The following UPF3A variants were observed in gnomAD, a reference collection of about 807,000 sequenced individuals.
UPF3A encodes regulator of nonsense transcripts 3A.
A neutral mutation model predicts 53.5 loss-of-function variants in UPF3A; 42 were observed. That is an observed-to-expected ratio of 0.78 (90% CI 0.61 to 1.01). UPF3A has a LOEUF of 1.01. UPF3A is among the 50% of genes least tolerant of loss of function. The pLI, the probability that UPF3A is intolerant of heterozygous loss-of-function variation, is 0.00. For missense variants in UPF3A, 575 were observed against 598.0 expected (o/e 0.96, Z 0.40); for synonymous variants, 237 against 225.3 (o/e 1.05, Z -0.47).
At chr13:114,297,967 C>T (rs2086215652) in intron 7 of UPF3A, among the ~76,000 whole-genome samples, 4 of 152,090 alleles carry the variant, frequency 2.6e-5, no homozygotes, top group African/African-American at 7.2e-5. Flanking sequence ...GAGACTGCAC[C>T]ACTGCACTCC....
At chr13:114,281,880 A>T (rs1201678499) in intron 1 of UPF3A, 34 bp downstream of exon 1, 6 of 1,314,750 alleles carry the variant, frequency 4.6e-6, no homozygotes, top group Non-Finnish European at 5.0e-6. Flanking sequence ...AAACCTCGCG[A>T]GGAGAGGACG....
At position 114,286,646 on chromosome 13, in the gene UPF3A, T is replaced by C; in HGVS notation, c.631+17T>C. Reference sequence around the variant, plus strand: ...AGCTCATTGGTCTGTTTTGCTCATTTCTTCTCTTTTCTTTATTGAGAGATT... The same window carrying C: ...AGCTCATTGGTCTGTTTTGCTCATTCCTTCTCTTTTCTTTATTGAGAGATT... On this transcript the variant is annotated intron_variant, in intron 5 of 9. Transcript: ENST00000375299. 6.4e-7 allele frequency: 1 copy of C among 1,573,118 alleles called. No homozygotes were observed. Among genetic ancestry groups the C allele is most frequent in the Non-Finnish European group, 8.7e-7 (1 of 1,155,294 alleles).
chr13:114,297,272 T>G (rs1029737000), intron 7 of UPF3A, among the ~76,000 whole-genome samples: 2 of 152,032 alleles, frequency 1.3e-5, no homozygotes, highest in Non-Finnish European at 2.9e-5. Context: ...TGCTTTAGTT[T>G]CAAAAACTAT....
rs532823670 is a variant in UPF3A, at chr13:114,305,672, T to A, written c.*755T>A. 6.6e-6 allele frequency: 1 copy of A among 152,256 alleles called. No individual in the cohort carries two copies. The highest frequency in any genetic ancestry group is 1.5e-5 in the Non-Finnish European group (1 of 68,050). 9.4% of individuals were successfully genotyped at this position (152,256 alleles called of 1,614,324 possible). On this transcript the variant is annotated 3_prime_UTR_variant, in exon 10 of 10. Transcript: ENST00000375299. Reference sequence around the variant, plus strand: ...GCCTGTTTTTGAGTTTTAGATACTTTATTTGTAAATAACTTAAAATAGCTT... The same window carrying A: ...GCCTGTTTTTGAGTTTTAGATACTTAATTTGTAAATAACTTAAAATAGCTT...
intron 2 of UPF3A, 93 bp from the exon 3 acceptor site, chr13:114,282,739 CTAAAG>C (rs2084240091): frequency 1.5e-5 from 23 of 1,516,972 alleles, no homozygotes; most frequent in South Asian, 3.7e-5. Flanking sequence ...AAAGTTTTAT[CTAAAG>C]TAGTTTGTTG....
chr13:114,291,541 G>A lies in UPF3A; in HGVS notation c.684G>A (p.Lys228=). 1 of 1,609,620 alleles carries A rather than the reference G, an allele frequency of 6.2e-7. No homozygotes were observed. Among genetic ancestry groups the A allele is most frequent in the Non-Finnish European group, 8.5e-7 (1 of 1,178,916 alleles). The change falls in exon 6 of 10, where the codon AAG becomes AAA. Residue 228 remains lysine, a synonymous_variant. Coordinates refer to ENST00000375299, the MANE Select transcript of UPF3A (RefSeq NM_023011.4). ...ATATTAAAAATAGAAAATTAGAAAA[G>A]CAGGTAGGTCTGGCCTTTACCTGAT... ...LEYIKNRKLE[K]QRIREEKREE...
At chr13:114,284,314 A>G (rs1209825175) in intron 3 of UPF3A, among the ~76,000 whole-genome samples, 2 of 152,078 alleles carry the variant, frequency 1.3e-5, no homozygotes, top group African/African-American at 4.8e-5. Flanking sequence ...GTGAGCCGAG[A>G]TCATGCCACT....
intron 7 of UPF3A, among the ~76,000 whole-genome samples, chr13:114,297,221 CGT>C (rs386775194): frequency 3.3e-5 from 5 of 149,970 alleles, no homozygotes; most frequent in Non-Finnish European, 7.4e-5. Flanking sequence ...GTGGTGCTTC[CGT>C]TTTTTTTTTT....
intron 7 of UPF3A, among the ~76,000 whole-genome samples, 154 bp downstream of exon 7, chr13:114,291,946 A>G (rs923747175): frequency 1.3e-5 from 2 of 151,858 alleles, no homozygotes; most frequent in Non-Finnish European, 2.9e-5. Context: ...CTTTCTTTCC[A>G]TCCTACAGCA....
Position 114,281,804 on chromosome 13 carries a change from T to C in UPF3A, c.165T>C (p.Gly55=), listed in dbSNP as rs1444602083. The change falls in exon 1 of 10, where the codon GGT becomes GGC. Residue 55 remains glycine (G), a synonymous_variant. Transcript: ENST00000375299. ...PPTSSSGCGG[G]AGKPREEKRT... ...CTTCGTCCTCCGGTTGCGGGGGCGG[T>C]GCGGGCAAACCTCGCGAGGAGAAGA... 12 of 1,542,536 alleles carry C rather than the reference T, an allele frequency of 7.8e-6. No individual in the cohort carries two copies. The Admixed American group carries it at 9.9e-5, about 13-fold the overall frequency.
intron 3 of UPF3A, among the ~76,000 whole-genome samples, chr13:114,284,581 C>G (rs2084475494): frequency 6.6e-6 from 1 of 151,426 alleles, no homozygotes; most frequent in Non-Finnish European, 1.5e-5. Flanking sequence ...TGCCTGTAAT[C>G]TCAGATACTT....
At chr13:114,301,592 A>G in intron 8 of UPF3A, 139 bp from the exon 9 acceptor site, 2 of 700,138 alleles carry the variant, frequency 2.9e-6, no homozygotes, top group Non-Finnish European at 4.8e-6. Context: ...CTGTGTGCCC[A>G]TCGCAGTGCA....
intron 8 of UPF3A, 42 bp from the exon 9 acceptor site, chr13:114,301,689 G>A (rs960080729): frequency 2.9e-5 from 46 of 1,575,308 alleles, no homozygotes; most frequent in African/African-American, 9.5e-5. Flanking sequence ...GCAGCCAACC[G>A]GCGGTTTACT....
intron 7 of UPF3A, among the ~76,000 whole-genome samples, chr13:114,295,886 C>G (rs1305875131): frequency 1.3e-5 from 2 of 152,120 alleles, no homozygotes; most frequent in African/African-American, 2.4e-5. Flanking sequence ...GTCTTATATG[C>G]CAATGAGAGG....
intron 2 of UPF3A, 98 bp from the exon 3 acceptor site, chr13:114,282,739 C>T: frequency 6.6e-7 from 1 of 1,516,972 alleles, no homozygotes; most frequent in South Asian, 1.2e-5. Flanking sequence ...AAAGTTTTAT[C>T]TAAAGTAGTT....
intron 7 of UPF3A, among the ~76,000 whole-genome samples, chr13:114,294,753 A>T (rs1282098261): frequency 1.3e-5 from 2 of 151,586 alleles, no homozygotes; most frequent in Non-Finnish European, 2.9e-5. Flanking sequence ...TGAACCTGGG[A>T]GGCAGAGGTT....
At chr13:114,286,470 G>A (rs537688642) in intron 4 of UPF3A, 49 bp from the exon 5 acceptor site, 5 of 1,610,162 alleles carry the variant, frequency 3.1e-6, no homozygotes, top group Admixed American at 1.7e-5. Flanking sequence ...TAATTCTCCC[G>A]TAGTTGGGAA....
chr13:114,305,574 A>G lies in UPF3A; in HGVS notation c.*657A>G, dbSNP rs1360474406. The G allele has an allele frequency of 6.5e-6, 1 of 153,286 alleles. No homozygotes were observed. The highest frequency in any genetic ancestry group is 2.4e-5 in the African/African-American group (1 of 41,344). The allele number at this position is 153,286 out of a possible 1,614,324, so 9.5% of individuals were successfully genotyped here. On this transcript the variant is annotated 3_prime_UTR_variant, in exon 10 of 10. Coordinates refer to ENST00000375299, the MANE Select transcript of UPF3A (RefSeq NM_023011.4). ...GTGGTTTGTAACCATTACGGTTTAAACCATGGTTTAAGAATTTGCCCAAAT... is the reference window on the plus strand; with the variant it reads ...GTGGTTTGTAACCATTACGGTTTAAGCCATGGTTTAAGAATTTGCCCAAAT...
At chr13:114,303,029 G>GTT (rs2086735827) in intron 9 of UPF3A, among the ~76,000 whole-genome samples, 1 of 152,182 alleles carries the variant, frequency 6.6e-6, no homozygotes, top group East Asian at 1.9e-4. Context: ...GAACCTGGGA[G>GTT]GCGGAGGTTG....
Sources: allele counts gnomAD v4.1 joint callset (sites outside exome capture counted in the v4.1 genomes callset), GRCh38; gene constraint gnomAD v4.1.1; transcripts MANE v1.5; gene names NCBI Gene and HGNC (gene_info 2026-07-23, HGNC 2026-07-21).